The following PCDHGB4 variants were observed in gnomAD, a reference collection of about 807,000 sequenced individuals.
PCDHGB4 encodes the protein protocadherin gamma-B4.
A neutral mutation model predicts 60.5 loss-of-function variants in PCDHGB4; 38 were observed. The observed-to-expected ratio is 0.63, with a 90% CI of 0.48 to 0.82. PCDHGB4 has a LOEUF of 0.82. Ranked by LOEUF, PCDHGB4 falls within the 40% of genes least tolerant of loss-of-function variation. The pLI is 0.00. For missense variants in PCDHGB4, 1,109 were observed against 1,209.6 expected, an observed-to-expected ratio of 0.92 and a Z score of 1.23; for synonymous variants, 456 against 509.7, an observed-to-expected ratio of 0.89 and a Z score of 1.42.
chr5:141,421,902 C>A (rs1218675162), intron 1 of PCDHGB4: 1 of 1,613,706 alleles, frequency 6.2e-7, no homozygotes, highest in East Asian at 2.2e-5. Context: ...TCCGAAAGGG[C>A]GCAGTTCCCA....
At position 141,485,727 on chromosome 5, in the gene PCDHGB4, G is replaced by T. The variant is rs773176318; in HGVS notation, c.2398-9080G>T. The T allele has an allele frequency of 3.1e-6, 5 of 1,614,196 alleles. No homozygotes were observed. In the Admixed American group the frequency reaches 5.0e-5, roughly 16 times the overall value. Reference sequence around the variant, plus strand: ...CACTTTGCACTGGATGTGAAGAAGCGCAGCGACGGCAGCCTGGTCCCAGAG... The same window carrying T: ...CACTTTGCACTGGATGTGAAGAAGCTCAGCGACGGCAGCCTGGTCCCAGAG... On this transcript the variant is annotated intron_variant, in intron 1 of 3. Transcript: ENST00000519479. The surrounding 1 kb of genome is among the most constrained non-coding windows in gnomAD (Gnocchi z 5.7).
At position 141,505,425 on chromosome 5, in the gene PCDHGB4, C is replaced by G; in HGVS notation, c.2489C>G (p.Pro830Arg). 1 of 1,614,178 alleles carries G rather than the reference C, an allele frequency of 6.2e-7. No individual in the cohort carries two copies. Among genetic ancestry groups the G allele is most frequent in the Non-Finnish European group, 8.5e-7 (1 of 1,180,014 alleles). ...SQNGDDTGTW[P>R]NNQFDTEMLQ... ...AATGGCGATGACACCGGCACCTGGC[C>G]CAACAACCAGTTTGACACAGAGATG... The change falls in exon 3 of 4, where the codon CCC becomes CGC. Residue 830 changes from proline to arginine, a missense_variant. Transcript: ENST00000519479.
chr5:141,425,845 GT>G (rs2096898477), intron 1 of PCDHGB4, among the ~76,000 whole-genome samples: 1 of 152,126 alleles, frequency 6.6e-6, no homozygotes, highest in Non-Finnish European at 1.5e-5. Context: ...TCTTTGCTGG[GT>G]TAATGACTGT....
intron 1 of PCDHGB4, chr5:141,405,012 C>T (rs748403581): frequency 1.2e-6 from 2 of 1,614,018 alleles, no homozygotes; most frequent in Non-Finnish European, 8.5e-7. Context: ...CTGGAGGCCT[C>T]AGACCTTACC....
At chr5:141,433,605 G>A (rs1411907056) in intron 1 of PCDHGB4, among the ~76,000 whole-genome samples, 1 of 152,114 alleles carries the variant, frequency 6.6e-6, no homozygotes, top group South Asian at 2.1e-4. Context: ...GGAGGCCGAG[G>A]CGGGTGGATC....
chr5:141,395,445 T>C (rs1257175969), intron 1 of PCDHGB4: 1 of 655,916 alleles, frequency 1.5e-6, no homozygotes, highest in East Asian at 2.9e-5. Context: ...TTGGAAAAGA[T>C]TGTTCAACCA....
At chr5:141,454,774 G>A (rs1228452126) in intron 1 of PCDHGB4, among the ~76,000 whole-genome samples, 2 of 144,796 alleles carry the variant, frequency 1.4e-5, no homozygotes, top group African/African-American at 2.6e-5. Context: ...TTTTTACAAG[G>A]AAATAATCCT....
Position 141,432,110 on chromosome 5 carries a change from G to T in PCDHGB4, c.2397+41829G>T, listed in dbSNP as rs768038692. The T allele has an allele frequency of 6.2e-7, 1 of 1,614,108 alleles. No homozygotes were observed. Among genetic ancestry groups the T allele is most frequent in the Non-Finnish European group, 8.5e-7 (1 of 1,180,036 alleles). ...GGCAGACACCAACGACAACCCGCCG[G>T]TCTTCCCTCAGGCCTCCTATTCCGC... On this transcript the variant is annotated intron_variant, in intron 1 of 3. Coordinates refer to ENST00000519479, the MANE Select transcript of PCDHGB4 (RefSeq NM_003736.4). The surrounding 1 kb of genome is among the most constrained non-coding windows in gnomAD (Gnocchi z 6.0).
intron 1 of PCDHGB4, among the ~76,000 whole-genome samples, chr5:141,450,006 C>CTATTTTTTTTTT (rs70988802): frequency 7.5e-6 from 1 of 132,986 alleles, no homozygotes. Context: ...TGCCATGTCT[C>CTATTTTTTTTTT]TTTTTTTTTT....
chr5:141,490,938 C>A lies in PCDHGB4; in HGVS notation c.2398-3869C>A. 1.2e-6 allele frequency: 2 copies of A among 1,613,672 alleles called. No individual in the cohort carries two copies. Among genetic ancestry groups the A allele is most frequent in the Non-Finnish European group, 1.7e-6 (2 of 1,179,760 alleles). On this transcript the variant is annotated intron_variant, in intron 1 of 3. Coordinates refer to ENST00000519479, the MANE Select transcript of PCDHGB4 (RefSeq NM_003736.4). The surrounding 1 kb of genome is among the most constrained non-coding windows in gnomAD (Gnocchi z 5.4). ...ATGATAATGCCCCAGCTGTGCTGCA[C>A]CCACGGCCAGACTGGGAACACTCAG... is the stretch of plus-strand genomic sequence containing the variant.
rs753503057 is a variant in PCDHGB4 at position 141,400,154 on chromosome 5, T to A, written c.2397+9873T>A. 8 of 1,614,074 alleles carry A rather than the reference T, an allele frequency of 5.0e-6. 1 individual carries two copies. In the South Asian group the frequency reaches 6.6e-5, roughly 13 times the overall value. On this transcript the variant is annotated intron_variant, in intron 1 of 3. Coordinates refer to ENST00000519479, the MANE Select transcript of PCDHGB4 (RefSeq NM_003736.4). ...CTGCCGGATATCACTGACCGCCCTG[T>A]ACCCTCTGACCCCCAGGCTGAGCTG...
intron 1 of PCDHGB4, chr5:141,415,846 G>A: frequency 3.2e-6 from 4 of 1,240,536 alleles, no homozygotes; most frequent in Non-Finnish European, 4.2e-6. Flanking sequence ...TAGCTTTGCA[G>A]AACCTTGTAG....
At chr5:141,464,131 G>C (rs982496493) in intron 1 of PCDHGB4, among the ~76,000 whole-genome samples, 19 of 152,056 alleles carry the variant, frequency 1.2e-4, no homozygotes, top group Admixed American at 2.0e-4. Flanking sequence ...TGGGTGTGGT[G>C]GTGGGCGCCT....
intron 1 of PCDHGB4, chr5:141,393,238 T>A: frequency 1.2e-6 from 2 of 1,613,734 alleles, no homozygotes; most frequent in Non-Finnish European, 8.5e-7. Context: ...GAAGTAAAAA[T>A]TAACGAAATC....
chr5:141,454,546 A>G (rs1342532359), intron 1 of PCDHGB4, among the ~76,000 whole-genome samples: 1 of 152,098 alleles, frequency 6.6e-6, no homozygotes, highest in African/African-American at 2.4e-5. Flanking sequence ...AGCTGAGATT[A>G]CAGGCATGTG....
chr5:141,400,776 G>T (rs1461818790), intron 1 of PCDHGB4: 3 of 557,594 alleles, frequency 5.4e-6, no homozygotes, highest in Non-Finnish European at 9.4e-6. Context: ...CATTTGGTGC[G>T]TTTTTTTGTC....
chr5:141,395,022 G>A lies in PCDHGB4; in HGVS notation c.2397+4741G>A, dbSNP rs2093150969. ...CGGTGGCAGATTGGTAGGCGTGCCT[G>A]CCTCACATTTTGTGGGTGTTGAGGA... On this transcript the variant is annotated intron_variant, in intron 1 of 3. Transcript: ENST00000519479. 1 of 1,614,128 alleles carries A rather than the reference G, an allele frequency of 6.2e-7. No homozygotes were observed. The highest frequency in any genetic ancestry group is 1.3e-5 in the African/African-American group (1 of 75,036).
Position 141,387,791 on chromosome 5 carries a change from A to G in PCDHGB4, c.-94A>G. 4.0e-6 allele frequency: 6 copies of G among 1,492,120 alleles called. No individual in the cohort carries two copies. The highest frequency in any genetic ancestry group is 4.5e-6 in the Non-Finnish European group (5 of 1,117,698). 92.4% of individuals were successfully genotyped at this position (1,492,120 alleles called of 1,614,324 possible). ...TTTTTCTTGAACTGGAACTGCAACT[A>G]AAGTCCGTTCGGAGATCCAAAAATC... is the stretch of plus-strand genomic sequence containing the variant. On this transcript the variant is annotated 5_prime_UTR_variant, in exon 1 of 4. Coordinates refer to ENST00000519479, the MANE Select transcript of PCDHGB4 (RefSeq NM_003736.4).
At position 141,409,758 on chromosome 5, in the gene PCDHGB4, C is replaced by A. The variant is rs763902801; in HGVS notation, c.2397+19477C>A. Reference sequence around the variant, plus strand: ...AGCGGGGTGGTGTTCGCGCAGCGCGCCTTTGATCACGAGCAGCTGCGCGCC... The same window carrying A: ...AGCGGGGTGGTGTTCGCGCAGCGCGACTTTGATCACGAGCAGCTGCGCGCC... On this transcript the variant is annotated intron_variant, in intron 1 of 3. Transcript: ENST00000519479. 4 of 1,612,868 alleles carry A rather than the reference C, an allele frequency of 2.5e-6. No homozygotes were observed. In the African/African-American group the frequency reaches 4.0e-5, roughly 16 times the overall value.
Sources: allele counts gnomAD v4.1 joint callset (sites outside exome capture counted in the v4.1 genomes callset), GRCh38; gene constraint gnomAD v4.1.1; non-coding constraint Gnocchi (gnomAD v3.1); transcripts MANE v1.5; gene names NCBI Gene and HGNC (gene_info 2026-07-23, HGNC 2026-07-21).